Variants in SYNE2 observed in about 807,000 individuals in gnomAD.
SYNE2 encodes the protein nesprin-2.
In SYNE2, 431 loss-of-function variants were observed where a neutral mutation model predicts 856.3. The ratio of observed to expected loss-of-function variants is 0.50; its 90% CI spans 0.47 to 0.55. The LOEUF (loss-of-function observed/expected upper bound fraction) is 0.55, where lower values mean the gene tolerates loss of function less well. SYNE2 is among the 20% of genes least tolerant of loss of function. The pLI, the probability that SYNE2 is intolerant of heterozygous loss-of-function variation, is 0.00. For missense variants in SYNE2, 8,129 were observed against 8,023.2 expected (o/e 1.01, Z -0.50); for synonymous variants, 2,923 against 2,872.3 (o/e 1.02, Z -0.56).
chr14:64,098,920 A>G (rs753662711), intron 63 of SYNE2, 99 bp downstream of exon 63: 10 of 1,168,978 alleles, frequency 8.6e-6, no homozygotes, highest in Middle Eastern at 3.8e-4. Context: ...AAGAATTTTT[A>G]AAATTAATGT....
chr14:63,828,244 C>G (rs549540989), intron 1 of SYNE2, among the ~76,000 whole-genome samples: 1 of 151,864 alleles, frequency 6.6e-6, no homozygotes, highest in South Asian at 2.1e-4. Context: ...AGATAACATA[C>G]AACAATAAAA....
At chr14:64,120,070 T>G (rs1237002693) in intron 67 of SYNE2, among the ~76,000 whole-genome samples, 3 of 152,232 alleles carry the variant, frequency 2.0e-5, no homozygotes, top group Non-Finnish European at 2.9e-5. Flanking sequence ...ATATAAAGTG[T>G]TCTCATGATT....
At chr14:64,167,977 A>G (rs372361330) in intron 92 of SYNE2, among the ~76,000 whole-genome samples, 20 of 152,344 alleles carry the variant, frequency 1.3e-4, no homozygotes, top group African/African-American at 4.6e-4. Context: ...TTTTCACTCA[A>G]TAATTCTCCA....
chr14:64,016,543 A>C lies in SYNE2; in HGVS notation c.4799A>C (p.Asn1600Thr), dbSNP rs2096893538. 1 of 1,604,628 alleles carries C rather than the reference A, an allele frequency of 6.2e-7. No individual in the cohort carries two copies. Among genetic ancestry groups the C allele is most frequent in the Non-Finnish European group, 8.5e-7 (1 of 1,174,548 alleles). ...VVDKINQVCK[N>T]LQFYLNKMKT... ...GACAAGATAAACCAGGTCTGCAAAA[A>C]TCTACAATTTTATCTAAATAAAATG... The change falls in exon 33 of 116, where the codon AAT (asparagine) becomes ACT (threonine). Residue 1600 changes from asparagine (N) to threonine (T), a missense_variant. Physicochemically the swap from Asn to Thr is moderately conservative, Grantham distance 65 (BLOSUM62 0). Transcript: ENST00000555002.
intron 10 of SYNE2, among the ~76,000 whole-genome samples, chr14:63,964,265 T>G (rs183909008): frequency 1.3e-5 from 2 of 152,328 alleles, no homozygotes; most frequent in South Asian, 2.1e-4. Context: ...GTGATGTTGA[T>G]TCAGCTGGTT....
At chr14:63,966,195 A>G (rs751898692) in intron 10 of SYNE2, among the ~76,000 whole-genome samples, 16 of 152,028 alleles carry the variant, frequency 1.1e-4, no homozygotes, top group Non-Finnish European at 1.8e-4. Context: ...GTCAGTAGCT[A>G]CTTTCACACT....
chr14:64,173,947 C>A (rs7148122), intron 94 of SYNE2: 2 of 696,718 alleles, frequency 2.9e-6, no homozygotes, highest in South Asian at 1.5e-5. Flanking sequence ...AAAACAGGAC[C>A]TTCGCTACTC....
At chr14:63,976,234 A>C (rs2153465483) in intron 11 of SYNE2, among the ~76,000 whole-genome samples, 1 of 152,366 alleles carries the variant, frequency 6.6e-6, no homozygotes, top group South Asian at 2.1e-4. Flanking sequence ...ATGGTCATTC[A>C]GTAGGTTAGT....
chr14:64,107,806 A>C (rs146368057), intron 65 of SYNE2, among the ~76,000 whole-genome samples, 199 bp downstream of exon 65: 2 of 152,372 alleles, frequency 1.3e-5, no homozygotes, highest in East Asian at 3.8e-4. Context: ...TAGGCATGGC[A>C]TAGAGAATTA....
rs936027980 is a variant in SYNE2, at chr14:64,024,438, A to G, written c.5819A>G (p.Asp1940Gly). The part of the protein sequence containing the change: ...ICQARAKELE[D>G]SLQQLLRLQD... ...CAGGCTCGAGCAAAGGAGCTTGAAGACTCCTTGCAGCAGCTACTGAGGTAG... is the reference window on the plus strand; with the variant it reads ...CAGGCTCGAGCAAAGGAGCTTGAAGGCTCCTTGCAGCAGCTACTGAGGTAG... Residue 1940 changes from aspartate (D) to glycine (G), a missense_variant, in exon 39 of 116, where the codon GAC becomes GGC. By Grantham distance (94) the Asp-to-Gly change is moderately conservative. Transcript: ENST00000555002. 2.5e-6 allele frequency: 4 copies of G among 1,613,778 alleles called. No homozygotes were observed. The highest frequency in any genetic ancestry group is 1.7e-6 in the Non-Finnish European group (2 of 1,179,888).
intron 78 of SYNE2, 118 bp downstream of exon 78, chr14:64,134,318 C>A: frequency 9.4e-7 from 1 of 1,068,396 alleles, no homozygotes. Context: ...GTTCATCATA[C>A]AACTCACTGT....
intron 90 of SYNE2, 30 bp from the exon 91 acceptor site, chr14:64,167,203 A>G (rs1374999898): frequency 6.2e-7 from 1 of 1,613,584 alleles, no homozygotes; most frequent in African/African-American, 1.3e-5. Context: ...TTGGCATCCA[A>G]AAACCTGTAC....
chr14:63,838,592 G>T (rs753531418), intron 1 of SYNE2, among the ~76,000 whole-genome samples: 6 of 151,902 alleles, frequency 3.9e-5, no homozygotes, highest in Non-Finnish European at 7.4e-5. Flanking sequence ...ATAGCTCACT[G>T]CAGCCTCTAA....
At chr14:64,006,221 T>G (rs1177342590) in intron 30 of SYNE2, among the ~76,000 whole-genome samples, 4 of 152,228 alleles carry the variant, frequency 2.6e-5, no homozygotes, top group Admixed American at 2.6e-4. Flanking sequence ...CCAGTATTAC[T>G]TTATCCTTAA....
chr14:63,839,616 G>T (rs75958579), intron 1 of SYNE2, among the ~76,000 whole-genome samples: 1 of 152,092 alleles, frequency 6.6e-6, no homozygotes, highest in Non-Finnish European at 1.5e-5. Context: ...GACCCTTTGA[G>T]ACTGGGAGGT....
rs372056795 is a variant in SYNE2, at chr14:63,780,163, AC to A, written c.-305+18178del. 6.8e-4 allele frequency among the ~76,000 whole-genome samples: 103 copies of A among 152,314 alleles called. 1 individual carries two copies. In the South Asian group the frequency reaches 0.016, roughly 24 times the overall value. On this transcript the variant is annotated intron_variant, in intron 1 of 23. Transcript: ENST00000674003. Reference sequence around the variant, plus strand: ...ATAAAAATACTTAGGAATAAATCTCACAAAAGCTGTGTAAGACTTCCACCCT... The same window carrying A: ...ATAAAAATACTTAGGAATAAATCTCAAAAAGCTGTGTAAGACTTCCACCCT...
At chr14:64,158,569 G>A in intron 85 of SYNE2, 56 bp from the exon 86 acceptor site, 2 of 1,578,954 alleles carry the variant, frequency 1.3e-6, no homozygotes, top group East Asian at 2.2e-5. Context: ...AGATCTGTTG[G>A]AGAGCATGTC....
intron 11 of SYNE2, among the ~76,000 whole-genome samples, chr14:63,974,138 A>C (rs1389709527): frequency 6.6e-6 from 1 of 152,234 alleles, no homozygotes; most frequent in Admixed American, 6.5e-5. Context: ...TGGGTAACAG[A>C]AAGATAAAAT....
chr14:63,927,824 A>G (rs542073783), intron 2 of SYNE2, among the ~76,000 whole-genome samples: 45 of 151,368 alleles, frequency 3.0e-4, no homozygotes, highest in Non-Finnish European at 6.1e-4. Flanking sequence ...CCTGGGAGGC[A>G]GAGGTTGCAG....
Sources: allele counts gnomAD v4.1 joint callset (sites outside exome capture counted in the v4.1 genomes callset), GRCh38; gene constraint gnomAD v4.1.1; transcripts MANE v1.5; gene names NCBI Gene and HGNC (gene_info 2026-07-23, HGNC 2026-07-21).